Variants in TET1 observed in about 807,000 individuals in gnomAD.
The protein encoded by TET1 is tet methylcytosine dioxygenase 1, also known as methylcytosine dioxygenase TET1.
TET1 carries 13 observed loss-of-function variants against 148.7 expected under a neutral mutation model. The ratio of observed to expected loss-of-function variants is 0.09; its 90% confidence interval spans 0.06 to 0.14. TET1 has a LOEUF of 0.14. TET1 is among the 10% of genes least tolerant of loss of function. The probability of loss-of-function intolerance (pLI) is 1.00; values close to 1 mark genes in which losing one functional copy is unlikely to be tolerated. For missense variants in TET1, 2,182 were observed against 2,553.8 expected (o/e 0.85, Z 3.14); for synonymous variants, 907 against 937.2 (o/e 0.97, Z 0.59).
intron 7 of TET1, among the ~76,000 whole-genome samples, chr10:68,668,987 GA>G (rs2055231742): frequency 1.3e-5 from 2 of 151,848 alleles, no homozygotes; most frequent in African/African-American, 4.8e-5. Flanking sequence ...GAGAGAGAGA[GA>G]GAGAGAGAGA....
chr10:68,600,678 T>G (rs997750197), intron 2 of TET1, among the ~76,000 whole-genome samples: 1 of 152,202 alleles, frequency 6.6e-6, no homozygotes, highest in African/African-American at 2.4e-5. Flanking sequence ...TGTAGAGGCT[T>G]CCTCTGCAGA....
intron 8 of TET1, 122 bp from the exon 9 acceptor site, chr10:68,681,277 T>G (rs978510361): frequency 5.4e-6 from 3 of 555,302 alleles, no homozygotes; most frequent in Non-Finnish European, 9.5e-6. Flanking sequence ...GTGGTAGCTA[T>G]TTTATCAGGA....
intron 10 of TET1, among the ~76,000 whole-genome samples, chr10:68,686,030 T>C (rs919969259): frequency 2.6e-5 from 4 of 152,320 alleles, no homozygotes; most frequent in Admixed American, 2.6e-4. Flanking sequence ...CATAGTTCAA[T>C]AGCCATTCCT....
chr10:68,563,184 G>A (rs1436292690), intron 1 of TET1, among the ~76,000 whole-genome samples: 8 of 152,100 alleles, frequency 5.3e-5, no homozygotes, highest in Admixed American at 3.3e-4. Flanking sequence ...AGGGCAGAGG[G>A]GTGTTTTACA....
chr10:68,646,685 T>G lies in TET1; in HGVS notation c.3956T>G (p.Ile1319Arg). The G allele has an allele frequency of 6.2e-7, 1 of 1,614,056 alleles. No individual in the cohort carries two copies. The highest frequency in any genetic ancestry group is 8.5e-7 in the Non-Finnish European group (1 of 1,180,010). ...AACGTGATGGCAGGCGATGACCAAA[T>G]ACGGTTTCAGCAGGTTGTTAAGGAG... ...CANVMAGDDQIRFQQVVKEQL... is the reference protein window; with the variant it reads ...CANVMAGDDQRRFQQVVKEQL... Residue 1319 changes from isoleucine to arginine, a missense_variant, in exon 4 of 12, where the codon ATA (isoleucine) becomes AGA (arginine). Physicochemically the swap from Ile to Arg is moderately conservative, Grantham distance 97 (BLOSUM62 -3). Coordinates refer to ENST00000373644, the MANE Select transcript of TET1 (RefSeq NM_030625.3).
chr10:68,620,018 C>T (rs2132963400), intron 3 of TET1, among the ~76,000 whole-genome samples: 1 of 151,954 alleles, frequency 6.6e-6, no homozygotes, highest in South Asian at 2.1e-4. Context: ...TATGGTGAAA[C>T]CCCCGTCTCT....
chr10:68,639,227 G>A (rs2054701658), intron 3 of TET1, among the ~76,000 whole-genome samples: 1 of 151,426 alleles, frequency 6.6e-6, no homozygotes, highest in South Asian at 2.1e-4. Flanking sequence ...TGCGAGACCA[G>A]CCTGGCCAAC....
intron 3 of TET1, among the ~76,000 whole-genome samples, chr10:68,607,528 G>T (rs115087876): frequency 0.017 from 2,576 of 151,738 alleles, 77 homozygotes; most frequent in African/African-American, 0.058. Context: ...TGCCTCCGGG[G>T]TTCAAGAGAT....
chr10:68,594,214 C>G (rs750545816), intron 2 of TET1, among the ~76,000 whole-genome samples: 6 of 152,198 alleles, frequency 3.9e-5, no homozygotes, highest in African/African-American at 7.2e-5. Flanking sequence ...GCATGAGGCA[C>G]CATGCCCAGC....
chr10:68,651,277 G>A (rs1395362101), intron 4 of TET1, among the ~76,000 whole-genome samples: 2 of 151,880 alleles, frequency 1.3e-5, no homozygotes, highest in Middle Eastern at 3.2e-3. Flanking sequence ...GTGAAACCCC[G>A]TCTCTACTAA....
intron 3 of TET1, among the ~76,000 whole-genome samples, chr10:68,621,654 G>T (rs1431736384): frequency 6.6e-6 from 1 of 152,144 alleles, no homozygotes; most frequent in African/African-American, 2.4e-5. Flanking sequence ...ACGATTTGGG[G>T]TGTTTCTTCT....
intron 3 of TET1, among the ~76,000 whole-genome samples, chr10:68,615,458 G>T (rs1408387001): frequency 6.6e-6 from 1 of 150,376 alleles, no homozygotes; most frequent in Non-Finnish European, 1.5e-5. Flanking sequence ...CGATTCTCCT[G>T]CCTCAGCTTC....
At chr10:68,654,132 A>T (rs2054984536) in intron 6 of TET1, among the ~76,000 whole-genome samples, 1 of 139,816 alleles carries the variant, frequency 7.2e-6, no homozygotes, top group Non-Finnish European at 1.6e-5. Flanking sequence ...AAAAGCATGG[A>T]TTGTCAGGGA....
chr10:68,656,797 G>C lies in TET1; in HGVS notation c.4461+4203G>C, dbSNP rs535121061. Among the ~76,000 whole-genome samples the C allele has an allele frequency of 2.0e-5, 3 of 152,146 alleles. No individual in the cohort carries two copies. The South Asian group carries it at 6.2e-4, about 32-fold the overall frequency. ...TCCCAGCACTTTGGGAGGTCGAGGC[G>C]GGTGGATCACCTGAGCTCAGGAATT... On this transcript the variant is annotated intron_variant, in intron 6 of 11. Transcript: ENST00000373644.
At chr10:68,633,529 G>A (rs996131543) in intron 3 of TET1, among the ~76,000 whole-genome samples, 3 of 152,062 alleles carry the variant, frequency 2.0e-5, no homozygotes, top group Admixed American at 1.3e-4. Flanking sequence ...CGGCAGGCAT[G>A]CATCACCATG....
intron 6 of TET1, among the ~76,000 whole-genome samples, chr10:68,654,478 G>A (rs779826763): frequency 6.6e-5 from 10 of 151,648 alleles, no homozygotes; most frequent in African/African-American, 2.2e-4. Flanking sequence ...TTAGCCGGGC[G>A]TGGTGGCGCG....
chr10:68,676,088 C>T (rs557357795), intron 8 of TET1, among the ~76,000 whole-genome samples: 1 of 150,388 alleles, frequency 6.6e-6, no homozygotes, highest in African/African-American at 2.5e-5. Context: ...TACTCCTGAC[C>T]CTGTGATCCA....
intron 6 of TET1, among the ~76,000 whole-genome samples, chr10:68,654,017 G>C (rs2054980500): frequency 7.0e-6 from 1 of 142,072 alleles, no homozygotes; most frequent in Non-Finnish European, 1.5e-5. Flanking sequence ...TGAGGCAGGA[G>C]AATCACTTGA....
chr10:68,638,938 AG>A (rs2054697133), intron 3 of TET1, among the ~76,000 whole-genome samples: 1 of 152,098 alleles, frequency 6.6e-6, no homozygotes, highest in Non-Finnish European at 1.5e-5. Context: ...GAGAAAATGG[AG>A]AGGGCGTAGG....
Sources: allele counts gnomAD v4.1 joint callset (sites outside exome capture counted in the v4.1 genomes callset), GRCh38; gene constraint gnomAD v4.1.1; transcripts MANE v1.5; gene names NCBI Gene and HGNC (gene_info 2026-07-23, HGNC 2026-07-21).